Variants in ZFHX4 observed in about 807,000 individuals in gnomAD.
The protein encoded by ZFHX4 is zinc finger homeobox 4, also known as zinc finger homeobox protein 4.
In ZFHX4, 56 loss-of-function variants were observed where a neutral mutation model predicts 267.6. The observed-to-expected ratio is 0.21, with a 90% CI of 0.17 to 0.26. The LOEUF (loss-of-function observed/expected upper bound fraction) is 0.26. ZFHX4 is among the 10% of genes least tolerant of loss of function. ZFHX4 has a pLI of 1.00. For synonymous variants in ZFHX4, 1,778 were observed against 1,665.6 expected (o/e 1.07, Z -1.64); for missense variants, 4,332 against 4,420.0 (o/e 0.98, Z 0.56).
intron 10 of ZFHX4, among the ~76,000 whole-genome samples, chr8:76,861,717 T>A (rs1049405179): frequency 6.6e-6 from 1 of 152,010 alleles, no homozygotes; most frequent in Admixed American, 6.6e-5. Context: ...TTTATTTTTT[T>A]ATTATTTCTT....
At chr8:76,699,548 G>C (rs890019192) in intron 1 of ZFHX4, among the ~76,000 whole-genome samples, 5 of 151,982 alleles carry the variant, frequency 3.3e-5, no homozygotes, top group Non-Finnish European at 7.4e-5. Context: ...ATTTACCTGC[G>C]TTATGATATA....
chr8:76,766,385 G>A (rs1810051286), intron 3 of ZFHX4, among the ~76,000 whole-genome samples: 1 of 152,078 alleles, frequency 6.6e-6, no homozygotes, highest in Admixed American at 6.6e-5. Flanking sequence ...CTATTCAAAA[G>A]TAACTGCAAT....
At chr8:76,743,256 G>T (rs895330610) in intron 3 of ZFHX4, among the ~76,000 whole-genome samples, 2 of 152,108 alleles carry the variant, frequency 1.3e-5, no homozygotes, top group Admixed American at 1.3e-4. Flanking sequence ...AATCTTCCTC[G>T]AACTTCTGAT....
chr8:76,796,288 A>G (rs905791162), intron 4 of ZFHX4, among the ~76,000 whole-genome samples: 1 of 152,182 alleles, frequency 6.6e-6, no homozygotes, highest in Non-Finnish European at 1.5e-5. Context: ...TAGAAATTGT[A>G]TTATTTTAGA....
At chr8:76,811,270 G>C (rs997135708) in intron 4 of ZFHX4, among the ~76,000 whole-genome samples, 1 of 152,166 alleles carries the variant, frequency 6.6e-6, no homozygotes, top group African/African-American at 2.4e-5. Context: ...TACACATTTA[G>C]CCTGAGACAG....
At chr8:76,749,883 G>T (rs577585808) in intron 3 of ZFHX4, among the ~76,000 whole-genome samples, 1 of 152,080 alleles carries the variant, frequency 6.6e-6, no homozygotes, top group Non-Finnish European at 1.5e-5. Context: ...TATTGCAAAA[G>T]GTTGATTGCA....
intron 3 of ZFHX4, among the ~76,000 whole-genome samples, chr8:76,751,424 T>A (rs1809611021): frequency 6.6e-6 from 1 of 152,082 alleles, no homozygotes; most frequent in South Asian, 2.1e-4. Context: ...ACAATAGACA[T>A]CAGTAATTAA....
At position 76,854,007 on chromosome 8, in the gene ZFHX4, G is replaced by A. The variant is rs752662887; in HGVS notation, c.7086G>A (p.Lys2362=). ...ATGCCACTGATCAAGTGGTATACAAGCATTGCACAGTGTCTGGCCAAACGG... is the reference window on the plus strand; with the variant it reads ...ATGCCACTGATCAAGTGGTATACAAACATTGCACAGTGTCTGGCCAAACGG... ...SMDATDQVVY[K]HCTVSGQTDA... The change falls in exon 10 of 11, where the codon AAG becomes AAA. Residue 2362 remains lysine (K), a synonymous_variant. Coordinates refer to ENST00000651372, the MANE Select transcript of ZFHX4 (RefSeq NM_024721.5). 1.4e-5 allele frequency: 22 copies of A among 1,613,744 alleles called. No individual in the cohort carries two copies. The highest frequency in any genetic ancestry group is 2.7e-5 in the African/African-American group (2 of 74,882).
At chr8:76,771,544 T>C (rs1189349444) in intron 3 of ZFHX4, among the ~76,000 whole-genome samples, 2 of 152,126 alleles carry the variant, frequency 1.3e-5, no homozygotes, top group African/African-American at 4.8e-5. Flanking sequence ...ACTCAAGCCA[T>C]TCTCCTGTCT....
At chr8:76,784,387 C>A (rs1408863057) in intron 4 of ZFHX4, among the ~76,000 whole-genome samples, 2 of 151,878 alleles carry the variant, frequency 1.3e-5, no homozygotes, top group Non-Finnish European at 1.5e-5. Context: ...AGATGTCAGA[C>A]CAACACTGGT....
intron 3 of ZFHX4, among the ~76,000 whole-genome samples, chr8:76,768,091 G>A (rs930147164): frequency 6.6e-6 from 1 of 152,128 alleles, no homozygotes; most frequent in Non-Finnish European, 1.5e-5. Context: ...ATTGGGGTAT[G>A]TACACATAAA....
chr8:76,864,611 A>G lies in ZFHX4; in HGVS notation c.*46A>G. The G allele has an allele frequency of 7.8e-7, 1 of 1,279,088 alleles. No individual in the cohort carries two copies. Among genetic ancestry groups the G allele is most frequent in the Middle Eastern group, 2.8e-4 (1 of 3,510 alleles). The allele number at this position is 1,279,088 out of a possible 1,614,324, so 79.2% of individuals were successfully genotyped here. ...GCTTAAAAAAATAAAAAATAAAAAA[A>G]TAAAAAAAAAATAAGACTTTAACTG... On this transcript the variant is annotated 3_prime_UTR_variant, in exon 11 of 11. Coordinates refer to ENST00000651372, the MANE Select transcript of ZFHX4 (RefSeq NM_024721.5).
chr8:76,758,714 C>T (rs901491410), intron 3 of ZFHX4, among the ~76,000 whole-genome samples: 1 of 151,986 alleles, frequency 6.6e-6, no homozygotes, highest in Non-Finnish European at 1.5e-5. Context: ...AGGCTGGTCT[C>T]GAATCCAGGG....
chr8:76,803,327 C>A (rs184309562), intron 4 of ZFHX4, among the ~76,000 whole-genome samples: 307 of 151,820 alleles, frequency 2.0e-3, no homozygotes, highest in African/African-American at 7.1e-3. Context: ...TGTAGCAGGT[C>A]TTTTGATGTT....
intron 4 of ZFHX4, among the ~76,000 whole-genome samples, chr8:76,780,284 A>G (rs1810514511): frequency 6.6e-6 from 1 of 152,228 alleles, no homozygotes; most frequent in African/African-American, 2.4e-5. Context: ...CTATCAAAGT[A>G]CAAAGCATCT....
Position 76,863,969 on chromosome 8 carries a change from G to A in ZFHX4, c.10255G>A (p.Val3419Ile). 2 of 1,612,674 alleles carry A rather than the reference G, an allele frequency of 1.2e-6. No individual in the cohort carries two copies. The highest frequency in any genetic ancestry group is 1.7e-6 in the Non-Finnish European group (2 of 1,179,280). The change falls in exon 11 of 11, where the codon GTA becomes ATA. Residue 3419 changes from valine (V) to isoleucine (I), a missense_variant. Coordinates refer to ENST00000651372, the MANE Select transcript of ZFHX4 (RefSeq NM_024721.5). ...QMMFTDEDAAVNHQKSFCYFG... is the reference protein window; with the variant it reads ...QMMFTDEDAAINHQKSFCYFG... ...GATGTTTACTGATGAAGACGCCGCAGTAAATCATCAAAAGTCCTTCTGTTA... is the reference window on the plus strand; with the variant it reads ...GATGTTTACTGATGAAGACGCCGCAATAAATCATCAAAAGTCCTTCTGTTA...
At chr8:76,778,533 C>A in intron 4 of ZFHX4, 94 bp downstream of exon 4, 1 of 1,034,048 alleles carries the variant, frequency 9.7e-7, no homozygotes. Context: ...ACGCCTCAAA[C>A]TCTCCAACTC....
In ZFHX4 at chr8:76,696,873, A is replaced by G. The variant is rs1034479952; in HGVS notation, c.-46-7170A>G. ...ACACTTGTATTTGGTAGAGTCTAAG[A>G]GTATTATATAGTAAGATGCACTTGG... On this transcript the variant is annotated intron_variant, in intron 1 of 10. Transcript: ENST00000651372. Among the ~76,000 whole-genome samples the G allele has an allele frequency of 2.4e-4, 37 of 152,008 alleles. 2 individuals carry two copies. Among genetic ancestry groups the G allele is most frequent in the Non-Finnish European group, 5.9e-5 (4 of 67,900 alleles).
intron 3 of ZFHX4, among the ~76,000 whole-genome samples, chr8:76,715,630 C>T (rs1194545139): frequency 6.6e-6 from 1 of 151,420 alleles, no homozygotes; most frequent in Non-Finnish European, 1.5e-5. Flanking sequence ...AATGAAAGTA[C>T]TGCTTAAAGA....
Sources: allele counts gnomAD v4.1 joint callset (sites outside exome capture counted in the v4.1 genomes callset), GRCh38; gene constraint gnomAD v4.1.1; transcripts MANE v1.5; gene names NCBI Gene and HGNC (gene_info 2026-07-23, HGNC 2026-07-21).